ASNS: variants seen among roughly 807,000 people sequenced by gnomAD.
ASNS encodes the protein asparagine synthetase (glutamine-hydrolyzing), also known as asparagine synthetase [glutamine-hydrolyzing].
ASNS carries 37 observed loss-of-function variants against 62.6 expected under a neutral mutation model. That is an observed-to-expected ratio of 0.59 (90% CI 0.45 to 0.78). The LOEUF is 0.78. Among genes scored for constraint, ASNS ranks in the 30% least tolerant of loss-of-function variants. The pLI is 0.00. For synonymous variants in ASNS, 207 were observed against 237.9 expected, an observed-to-expected ratio of 0.87 and a Z score of 1.19; for missense variants, 520 against 682.4, an observed-to-expected ratio of 0.76 and a Z score of 2.65.
chr7:97,907,768 C>CAAA, the ASNS span, among the ~76,000 whole-genome samples: 1 of 138,468 alleles, frequency 7.2e-6, no homozygotes, highest in Non-Finnish European at 1.5e-5. Flanking sequence ...GACTCCATCT[C>CAAA]AAAAAAAAAA....
rs1562817048 is a variant in ASNS at position 97,859,317 on chromosome 7, A to G, written c.569T>C (p.Leu190Ser). ...GGATGCAACTTTGCCATTTGGCTTT[A>G]AATCCAAAACTTCATAGTGTCCAGG... The part of the protein sequence containing the change: ...FLPGHYEVLD[L>S]KPNGKVASVE... Residue 190 changes from leucine to serine, a missense_variant, in exon 5 of 13, where the codon TTA (leucine) becomes TCA (serine). By Grantham distance (145) the Leu-to-Ser change is moderately radical (BLOSUM62 -2). Coordinates refer to ENST00000394308, the MANE Select transcript of ASNS (RefSeq NM_001673.5). The G allele has an allele frequency of 1.2e-6, 2 of 1,614,166 alleles. No individual in the cohort carries two copies. The highest frequency in any genetic ancestry group is 1.7e-6 in the Non-Finnish European group (2 of 1,180,016).
At chr7:97,928,027 C>T in the ASNS span, 1 of 1,023,476 alleles carries the variant, frequency 9.8e-7, no homozygotes, top group Non-Finnish European at 1.4e-6. Context: ...TACCCCGCGT[C>T]CCCAGCACCC....
intron 1 of ASNS, among the ~76,000 whole-genome samples, chr7:97,870,951 G>C (rs753886075): frequency 3.3e-5 from 5 of 152,078 alleles, no homozygotes; most frequent in African/African-American, 1.2e-4. Context: ...ATTTTTATTG[G>C]AATCAGTCTT....
chr7:97,927,163 TC>T, the ASNS span, among the ~76,000 whole-genome samples: 19 of 136,458 alleles, frequency 1.4e-4, no homozygotes, highest in Admixed American at 4.2e-4. Context: ...CAAGCGATCC[TC>T]CCCCTTCGGC....
At chr7:97,873,619 C>T (rs1792373203), upstream of ASNS, among the ~76,000 whole-genome samples, 1 of 152,156 alleles carries the variant, frequency 6.6e-6, no homozygotes, top group Admixed American at 6.5e-5. Flanking sequence ...CTTCTATCTA[C>T]ATTTTACAAA....
At position 97,868,951 on chromosome 7, in the gene ASNS, T is replaced by C. The variant is rs1792115271; in HGVS notation, c.206A>G (p.Tyr69Cys). The C allele has an allele frequency of 4.3e-6, 7 of 1,614,212 alleles. No individual in the cohort carries two copies. In the East Asian group the frequency reaches 1.6e-4, roughly 36 times the overall value. The change falls in exon 3 of 13, where the codon TAT (tyrosine) becomes TGT (cysteine). Residue 69 changes from tyrosine (Y) to cysteine (C), a missense_variant. By Grantham distance (194) the Tyr-to-Cys change is radical. Coordinates refer to ENST00000394308, the MANE Select transcript of ASNS (RefSeq NM_001673.5). ...MQPIRVKKYP[Y>C]LWLCYNGEIY... is the part of the protein sequence containing the mutation. Reference sequence around the variant, plus strand: ...TTCACCATTGTAACAGAGCCACAAATACGGATATTTCTTCACTCGAATTGG... The same window carrying C: ...TTCACCATTGTAACAGAGCCACAAACACGGATATTTCTTCACTCGAATTGG...
Position 97,853,142 on chromosome 7 carries a change from C to G in ASNS, c.1394G>C (p.Arg465Pro). ...TCCATCACTGAAGGCTTCTTTTGGT[C>G]GCCAGAGAATCTCTTTGGGTATCAG... Reference protein sequence around the residue: ...SNLIPKEILWRPKEAFSDGIT... With the variant: ...SNLIPKEILWPPKEAFSDGIT... The change falls in exon 12 of 13, where the codon CGA (arginine) becomes CCA (proline). Residue 465 changes from arginine to proline, a missense_variant. By Grantham distance (103) the Arg-to-Pro change is moderately radical. Transcript: ENST00000394308. The G allele has an allele frequency of 6.2e-7, 1 of 1,611,366 alleles. No individual in the cohort carries two copies. The highest frequency in any genetic ancestry group is 1.3e-5 in the African/African-American group (1 of 74,824).
At chr7:97,895,466 A>G in the ASNS span, among the ~76,000 whole-genome samples, 6,315 of 152,286 alleles carry the variant, frequency 0.041, 299 homozygotes, top group African/African-American at 0.11. Flanking sequence ...ATACCTGTAA[A>G]CAGAAAAACC....
At position 97,856,685 on chromosome 7, in the gene ASNS, C is replaced by G; in HGVS notation, c.1030+5G>C. 6.3e-7 allele frequency: 1 copy of G among 1,592,796 alleles called. No homozygotes were observed. Among genetic ancestry groups the G allele is most frequent in the East Asian group, 2.2e-5 (1 of 44,684 alleles). On this transcript the variant is annotated splice_donor_5th_base_variant and intron_variant, in intron 8 of 12. Coordinates refer to ENST00000394308, the MANE Select transcript of ASNS (RefSeq NM_001673.5). The stretch of plus-strand genomic sequence containing the variant: ...TTTTTATTTAAGAATATCATAATAC[C>G]TTACCTACTGAAGCACGAACTGTTG...
At chr7:97,922,943 C>T in the ASNS span, among the ~76,000 whole-genome samples, 1 of 152,014 alleles carries the variant, frequency 6.6e-6, no homozygotes, top group Admixed American at 6.6e-5. Flanking sequence ...AGGTGTGTGC[C>T]ATCACACCTG....
chr7:97,900,839 C>G, the ASNS span, among the ~76,000 whole-genome samples: 2 of 152,002 alleles, frequency 1.3e-5, no homozygotes, highest in African/African-American at 2.4e-5. Context: ...CTTGACTGTA[C>G]TAGATTTTTT....
chr7:97,881,402 C>T, the ASNS span, among the ~76,000 whole-genome samples: 1 of 151,742 alleles, frequency 6.6e-6, no homozygotes, highest in Non-Finnish European at 1.5e-5. Flanking sequence ...AAAAATAACC[C>T]TGTATCCATC....
chr7:97,878,442 C>A, the ASNS span, among the ~76,000 whole-genome samples: 6 of 152,138 alleles, frequency 3.9e-5, no homozygotes, highest in Non-Finnish European at 2.9e-5. Flanking sequence ...TAGCAAAATT[C>A]AGCAAAGTCT....
the ASNS span, among the ~76,000 whole-genome samples, chr7:97,896,733 C>CATATATATATATAT: frequency 1.5e-4 from 4 of 26,262 alleles, no homozygotes; most frequent in African/African-American, 3.6e-4. Flanking sequence ...CACACACACA[C>CATATATATATATAT]ACACACACAT....
At chr7:97,886,987 G>C in the ASNS span, among the ~76,000 whole-genome samples, 3 of 152,260 alleles carry the variant, frequency 2.0e-5, no homozygotes, top group African/African-American at 7.2e-5. Context: ...TTGAACAGCA[G>C]CCTCCTAATA....
the ASNS span, among the ~76,000 whole-genome samples, chr7:97,905,124 A>T: frequency 6.6e-6 from 1 of 152,106 alleles, no homozygotes; most frequent in Non-Finnish European, 1.5e-5. Flanking sequence ...CATTGTAAAG[A>T]TCTCTGGCCC....
chr7:97,915,925 G>A, the ASNS span, among the ~76,000 whole-genome samples: 1 of 152,114 alleles, frequency 6.6e-6, no homozygotes. Flanking sequence ...ACACGATGAG[G>A]CTCTTCGGTG....
chr7:97,901,795 T>C, the ASNS span, among the ~76,000 whole-genome samples: 1 of 152,028 alleles, frequency 6.6e-6, no homozygotes, highest in Non-Finnish European at 1.5e-5. Context: ...CTGGCCAACA[T>C]GGTGAAACCC....
chr7:97,874,750 A>G (rs1415150694), upstream of ASNS, among the ~76,000 whole-genome samples: 1 of 152,274 alleles, frequency 6.6e-6, no homozygotes, highest in African/African-American at 2.4e-5. Context: ...AAATACACGG[A>G]TAGGCACTTT....
Sources: gnomAD v4.1 joint callset for allele counts (sites outside exome capture counted in the v4.1 genomes callset) on GRCh38, gnomAD v4.1.1 for gene constraint, MANE v1.5 for transcripts, NCBI Gene and HGNC (gene_info 2026-07-23, HGNC 2026-07-21) for gene names.